Variants in KLHL7 observed in about 807,000 individuals in gnomAD.
KLHL7 encodes kelch-like protein 7.
KLHL7 carries 44 observed loss-of-function variants against 67.4 expected under a neutral mutation model. That is an observed-to-expected ratio of 0.65 (90% CI 0.51 to 0.84). The LOEUF (loss-of-function observed/expected upper bound fraction) is 0.84. KLHL7 is among the 40% of genes least tolerant of loss of function. KLHL7 has a pLI of 0.00. For missense variants in KLHL7, 362 were observed against 718.1 expected (o/e 0.50, Z 5.67); for synonymous variants, 252 against 243.3 (o/e 1.04, Z -0.33).
intron 9 of KLHL7, chr7:23,171,117 G>A: frequency 3.4e-6 from 1 of 294,010 alleles, no homozygotes; most frequent in Non-Finnish European, 7.0e-6. Context: ...ATGTTGGCCA[G>A]GATGGCCTCC....
At chr7:23,141,748 T>G (rs927478471) in intron 5 of KLHL7, among the ~76,000 whole-genome samples, 1 of 151,014 alleles carries the variant, frequency 6.6e-6, no homozygotes, top group East Asian at 2.0e-4. Context: ...TCAGCCTCCC[T>G]AGTAGCTGGG....
At chr7:23,126,879 G>A in intron 4 of KLHL7, among the ~76,000 whole-genome samples, 1 of 152,090 alleles carries the variant, frequency 6.6e-6, no homozygotes, top group South Asian at 2.1e-4. Flanking sequence ...ATTTTTAAAA[G>A]GTAGCCATGG....
At chr7:23,146,012 A>G (rs1030834448) in intron 6 of KLHL7, among the ~76,000 whole-genome samples, 2 of 152,192 alleles carry the variant, frequency 1.3e-5, no homozygotes, top group African/African-American at 4.8e-5. Flanking sequence ...GATTACAGGC[A>G]TGAACCACAG....
At chr7:23,115,725 A>G (rs934104387) in intron 1 of KLHL7, among the ~76,000 whole-genome samples, 2 of 151,712 alleles carry the variant, frequency 1.3e-5, no homozygotes, top group South Asian at 2.1e-4. Flanking sequence ...TTTGTATTTT[A>G]GTAGAGACGG....
intron 1 of KLHL7, among the ~76,000 whole-genome samples, chr7:23,108,132 A>G (rs1223432634): frequency 6.6e-6 from 1 of 152,218 alleles, no homozygotes; most frequent in Non-Finnish European, 1.5e-5. Flanking sequence ...GATCAGGATA[A>G]TGAGTGCCTA....
chr7:23,143,725 G>GA lies in KLHL7; in HGVS notation c.619-121dup. 3 of 999,402 alleles carry GA rather than the reference G, an allele frequency of 3.0e-6. No individual in the cohort carries two copies. In the South Asian group the frequency reaches 3.9e-5, roughly 13 times the overall value. 61.9% of individuals were successfully genotyped at this position (999,402 alleles called of 1,614,324 possible). A position where few individuals can be genotyped will look rare whatever the true frequency, so the allele number is the denominator to read the frequency against. ...GAAGAACCAGCAAGTGTCCAGGGAT[G>GA]AAAAATACTAGAAATAAGTGGTTAT... On this transcript the variant is annotated intron_variant, in intron 5 of 10. Coordinates refer to ENST00000339077, the MANE Select transcript of KLHL7 (RefSeq NM_001031710.3).
chr7:23,164,151 T>A (rs1784929850), intron 7 of KLHL7, among the ~76,000 whole-genome samples: 1 of 151,330 alleles, frequency 6.6e-6, no homozygotes, highest in Non-Finnish European at 1.5e-5. Flanking sequence ...CCATCTATTC[T>A]TCCCCACCCC....
chr7:23,124,938 G>T, intron 3 of KLHL7, 110 bp from the exon 4 acceptor site: 1 of 1,198,964 alleles, frequency 8.3e-7, no homozygotes, highest in African/African-American at 1.5e-5. Context: ...TTCAAGGACT[G>T]AAAGTTTAAT....
At position 23,165,832 on chromosome 7, in the gene KLHL7, A is replaced by G. The variant is rs925413188; in HGVS notation, c.1071A>G (p.Val357=). ...TAAAGCGAATGGACTGCTATAATGTAGTGAAGGATAGCTGGTATTCGAAAC... is the reference window on the plus strand; with the variant it reads ...TAAAGCGAATGGACTGCTATAATGTGGTGAAGGATAGCTGGTATTCGAAAC... ...FPIKRMDCYN[V]VKDSWYSKLG... The change falls in exon 8 of 11, where the codon GTA becomes GTG. Residue 357 remains valine, a synonymous_variant. Transcript: ENST00000339077. The G allele has an allele frequency of 1.2e-6, 2 of 1,614,082 alleles. No individual in the cohort carries two copies. Among genetic ancestry groups the G allele is most frequent in the East Asian group, 2.2e-5 (1 of 44,902 alleles).
At chr7:23,110,058 C>G (rs1345304110) in intron 1 of KLHL7, among the ~76,000 whole-genome samples, 1 of 152,208 alleles carries the variant, frequency 6.6e-6, no homozygotes, top group African/African-American at 2.4e-5. Flanking sequence ...AAATATCTCA[C>G]TGGGCAACTT....
At chr7:23,136,134 A>C (rs1783967852) in intron 4 of KLHL7, among the ~76,000 whole-genome samples, 1 of 151,972 alleles carries the variant, frequency 6.6e-6, no homozygotes, top group Admixed American at 6.5e-5. Flanking sequence ...GTTACTTAGA[A>C]AAGAAAGAGA....
At position 23,146,642 on chromosome 7, in the gene KLHL7, G is replaced by GTTC. The variant is rs763440560; in HGVS notation, c.793+2641_793+2643dup. On this transcript the variant is annotated intron_variant, in intron 6 of 10. Transcript: ENST00000339077. The stretch of plus-strand genomic sequence containing the variant: ...CTCTTGTGCATTTATCACTTATAGA[G>GTTC]TTCTTCTTCTTCTTCTTCTTCTTCT... Among the ~76,000 whole-genome samples the GTTC allele has an allele frequency of 1.1e-3, 159 of 148,882 alleles. 1 individual carries two copies. Among genetic ancestry groups the GTTC allele is most frequent in the Middle Eastern group, 3.5e-3 (1 of 284 alleles).
chr7:23,160,843 A>G (rs1354193110), intron 7 of KLHL7, among the ~76,000 whole-genome samples: 2 of 152,244 alleles, frequency 1.3e-5, no homozygotes, highest in Non-Finnish European at 2.9e-5. Context: ...ATTACTTGAC[A>G]TGATCAAGTG....
rs570428879 is a variant in KLHL7 at position 23,143,413 on chromosome 7, A to G, written c.619-438A>G. On this transcript the variant is annotated intron_variant, in intron 5 of 10. Coordinates refer to ENST00000339077, the MANE Select transcript of KLHL7 (RefSeq NM_001031710.3). ...TATCCATTCATAATGCAGGAATATA[A>G]TATTGAAATAAAATCATGGGTGACC... Among the ~76,000 whole-genome samples the G allele has an allele frequency of 3.3e-5, 5 of 152,292 alleles. No homozygotes were observed. The East Asian group carries it at 9.6e-4, about 29-fold the overall frequency.
chr7:23,171,770 C>T (rs913001767), intron 9 of KLHL7, among the ~76,000 whole-genome samples: 2 of 152,174 alleles, frequency 1.3e-5, no homozygotes, highest in African/African-American at 2.4e-5. Flanking sequence ...AGTGCAGTGG[C>T]GTGATCTCAG....
At chr7:23,163,092 A>G (rs1342470158) in intron 7 of KLHL7, among the ~76,000 whole-genome samples, 1 of 152,232 alleles carries the variant, frequency 6.6e-6, no homozygotes, top group African/African-American at 2.4e-5. Flanking sequence ...TTTGAAGGAA[A>G]ATATCACACT....
chr7:23,136,573 T>C (rs948463304), intron 4 of KLHL7, among the ~76,000 whole-genome samples: 3 of 152,200 alleles, frequency 2.0e-5, no homozygotes, highest in South Asian at 2.1e-4. Context: ...TCAGATACCC[T>C]TGGAGTATTT....
chr7:23,142,891 A>T (rs1784235650), intron 5 of KLHL7, among the ~76,000 whole-genome samples: 1 of 152,152 alleles, frequency 6.6e-6, no homozygotes, highest in Admixed American at 6.5e-5. Context: ...AAACTAAAGA[A>T]ATCCAAAAAA....
At chr7:23,172,277 A>G in intron 9 of KLHL7, 1 of 427,388 alleles carries the variant, frequency 2.3e-6, no homozygotes, top group South Asian at 1.7e-5. Flanking sequence ...GCAACCTGTG[A>G]ATTAATATCC....
Sources: allele counts gnomAD v4.1 joint callset (sites outside exome capture counted in the v4.1 genomes callset), GRCh38; gene constraint gnomAD v4.1.1; transcripts MANE v1.5; gene names NCBI Gene and HGNC (gene_info 2026-07-23, HGNC 2026-07-21).